GALNT13: variants seen among roughly 807,000 people sequenced by gnomAD.
The protein encoded by GALNT13 is UDP-GalNAc:polypeptide N-acetylgalactosaminyltransferase 13.
GALNT13 carries 28 observed loss-of-function variants against 64.2 expected under a neutral mutation model. The ratio of observed to expected loss-of-function variants is 0.44; its 90% CI spans 0.32 to 0.60. The LOEUF (loss-of-function observed/expected upper bound fraction) is 0.60, where lower values mean the gene tolerates loss of function less well. Among genes scored for constraint, GALNT13 ranks in the 20% least tolerant of loss-of-function variants. The pLI is 0.05. For synonymous variants in GALNT13, 214 were observed against 224.6 expected, an observed-to-expected ratio of 0.95 and a Z score of 0.42; for missense variants, 577 against 669.8, an observed-to-expected ratio of 0.86 and a Z score of 1.53.
intron 3 of GALNT13, among the ~76,000 whole-genome samples, chr2:154,098,938 G>A (rs1313262961): frequency 1.3e-5 from 2 of 151,860 alleles, no homozygotes; most frequent in African/African-American, 4.8e-5. Flanking sequence ...TAGATACACA[G>A]TAGTGGAGTT....
At chr2:153,353,920 G>A in the GALNT13 span, among the ~76,000 whole-genome samples, 1 of 152,062 alleles carries the variant, frequency 6.6e-6, no homozygotes, top group African/African-American at 2.4e-5. Flanking sequence ...TGACAGAATG[G>A]GTTATAGAGT....
At chr2:153,932,793 A>G (rs1448978792) in intron 2 of GALNT13, among the ~76,000 whole-genome samples, 1 of 151,582 alleles carries the variant, frequency 6.6e-6, no homozygotes, top group African/African-American at 2.4e-5. Context: ...ACGCCTGGCT[A>G]ATTTTTGTAT....
chr2:153,572,064 C>A, the GALNT13 span, among the ~76,000 whole-genome samples: 2 of 151,842 alleles, frequency 1.3e-5, no homozygotes, highest in African/African-American at 4.8e-5. Context: ...AGCAGTGAAA[C>A]CATTGAGTCC....
At chr2:154,391,220 T>A (rs1243500061) in intron 9 of GALNT13, among the ~76,000 whole-genome samples, 1 of 152,212 alleles carries the variant, frequency 6.6e-6, no homozygotes, top group Non-Finnish European at 1.5e-5. Flanking sequence ...GTTTCAACTT[T>A]CTAATAGCCC....
At chr2:154,208,550 A>G (rs1687591322) in intron 4 of GALNT13, among the ~76,000 whole-genome samples, 1 of 151,466 alleles carries the variant, frequency 6.6e-6, no homozygotes, top group African/African-American at 2.4e-5. Context: ...ACAAAATTCA[A>G]CAGAGATCTG....
At chr2:154,054,190 A>G (rs1161709482) in intron 3 of GALNT13, among the ~76,000 whole-genome samples, 1 of 152,022 alleles carries the variant, frequency 6.6e-6, no homozygotes, top group Non-Finnish European at 1.5e-5. Context: ...TTTTTCATAT[A>G]GGATTGTTTC....
At chr2:153,270,184 T>C in the GALNT13 span, among the ~76,000 whole-genome samples, 3 of 152,184 alleles carry the variant, frequency 2.0e-5, no homozygotes, top group Non-Finnish European at 4.4e-5. Context: ...GCAGACCTTC[T>C]TTCACTGGGT....
intron 3 of GALNT13, among the ~76,000 whole-genome samples, chr2:153,992,558 A>G (rs1204257395): frequency 6.6e-6 from 1 of 152,192 alleles, no homozygotes; most frequent in East Asian, 1.9e-4. Flanking sequence ...CAACCTGAAC[A>G]CTGAATGATC....
the GALNT13 span, among the ~76,000 whole-genome samples, chr2:153,845,445 A>G: frequency 6.6e-5 from 10 of 152,176 alleles, no homozygotes; most frequent in East Asian, 1.5e-3. Flanking sequence ...ACTCTTTTAA[A>G]TCATCTGATC....
the GALNT13 span, among the ~76,000 whole-genome samples, chr2:153,543,741 C>T: frequency 7.2e-5 from 11 of 152,200 alleles, no homozygotes; most frequent in African/African-American, 2.7e-4. Context: ...TGCTATAGGT[C>T]ACCTTACGAA....
At chr2:153,119,958 C>G in the GALNT13 span, among the ~76,000 whole-genome samples, 1 of 152,138 alleles carries the variant, frequency 6.6e-6, no homozygotes, top group Non-Finnish European at 1.5e-5. Flanking sequence ...CACTATCTAT[C>G]ATAAATAAGC....
At chr2:153,613,475 A>G in the GALNT13 span, among the ~76,000 whole-genome samples, 6 of 152,134 alleles carry the variant, frequency 3.9e-5, no homozygotes, top group African/African-American at 1.4e-4. Flanking sequence ...CAATTGTATT[A>G]GGGCTTTATA....
chr2:154,118,632 G>T (rs1681750811), intron 3 of GALNT13, among the ~76,000 whole-genome samples: 1 of 151,358 alleles, frequency 6.6e-6, no homozygotes, highest in African/African-American at 2.4e-5. Flanking sequence ...GTTTTCTGTA[G>T]TGGTTCATGC....
chr2:153,598,058 T>C, the GALNT13 span, among the ~76,000 whole-genome samples: 7 of 152,072 alleles, frequency 4.6e-5, no homozygotes, highest in Admixed American at 4.6e-4. Context: ...AGTTTATAAA[T>C]ATGAAGTATA....
At chr2:153,812,610 G>A in the GALNT13 span, among the ~76,000 whole-genome samples, 7 of 152,236 alleles carry the variant, frequency 4.6e-5, no homozygotes, top group South Asian at 1.5e-3. Flanking sequence ...ACAATAGAGG[G>A]AAGAGAATGC....
At chr2:153,926,634 AT>A (rs1444004594) in intron 2 of GALNT13, among the ~76,000 whole-genome samples, 1 of 152,088 alleles carries the variant, frequency 6.6e-6, no homozygotes, top group African/African-American at 2.4e-5. Flanking sequence ...TTAATGGGGA[AT>A]TCTGTCTTCC....
At chr2:153,605,417 C>T in the GALNT13 span, among the ~76,000 whole-genome samples, 22 of 152,186 alleles carry the variant, frequency 1.4e-4, no homozygotes, top group East Asian at 3.3e-3. Flanking sequence ...ACTGCTTCAG[C>T]ATACTGCAGT....
rs563586997 is a variant in GALNT13 at position 153,886,769 on chromosome 2, G to A, written c.-176-14167G>A. On this transcript the variant is annotated intron_variant, in intron 1 of 12. Coordinates refer to ENST00000392825, the MANE Select transcript of GALNT13 (RefSeq NM_052917.4). The stretch of plus-strand genomic sequence containing the variant: ...TTTGTCCTGTTATTTTATGTGGTTG[G>A]TGAATCTAAGGTCCATTAAGTTACA... 3.9e-5 allele frequency among the ~76,000 whole-genome samples: 6 copies of A among 152,048 alleles called. No homozygotes were observed. The East Asian group carries it at 9.7e-4, about 25-fold the overall frequency.
chr2:153,322,164 C>T, the GALNT13 span, among the ~76,000 whole-genome samples: 1 of 152,156 alleles, frequency 6.6e-6, no homozygotes, highest in East Asian at 1.9e-4. Flanking sequence ...CAACCCTCCC[C>T]ACCTCTCCAC....
Sources: allele counts gnomAD v4.1 joint callset (sites outside exome capture counted in the v4.1 genomes callset), GRCh38; gene constraint gnomAD v4.1.1; transcripts MANE v1.5; gene names NCBI Gene and HGNC (gene_info 2026-07-23, HGNC 2026-07-21).